Variants in YY1AP1 observed in about 807,000 individuals in gnomAD.
YY1AP1 encodes YY1 associated protein 1.
In YY1AP1, 43 loss-of-function variants were observed where a neutral mutation model predicts 39.9. That is an observed-to-expected ratio of 1.08 (90% CI 0.84 to 1.39). The LOEUF is 1.39. YY1AP1 is among the 40% of genes most tolerant of loss of function. The pLI is 0.00. For synonymous variants in YY1AP1, 292 were observed against 331.3 expected, an observed-to-expected ratio of 0.88 and a Z score of 1.29; for missense variants, 813 against 900.7, an observed-to-expected ratio of 0.90 and a Z score of 1.25.
At chr1:155,674,319 A>C (rs183749999) in intron 6 of YY1AP1, among the ~76,000 whole-genome samples, 6 of 151,950 alleles carry the variant, frequency 3.9e-5, no homozygotes, top group Admixed American at 2.0e-4. Context: ...AAACAAAACA[A>C]AACAAAAAAA....
intron 2 of YY1AP1, among the ~76,000 whole-genome samples, chr1:155,686,878 T>TA (rs1401621677): frequency 6.6e-6 from 1 of 151,930 alleles, no homozygotes; most frequent in Non-Finnish European, 1.5e-5. Flanking sequence ...TATGTGCTCC[T>TA]ATCTTTCCAG....
chr1:155,661,170 A>G, intron 10 of YY1AP1, 137 bp downstream of exon 10: 1 of 1,595,680 alleles, frequency 6.3e-7, no homozygotes, highest in East Asian at 2.2e-5. Flanking sequence ...AAGTAAGGGA[A>G]GAAAGGTGAA....
chr1:155,670,823 T>C lies in YY1AP1; in HGVS notation c.584-359A>G, dbSNP rs563547993. ...CTGAGTAGCTGGGACTACAGGCGCC[T>C]GCCACCACGCCTGGCTGATTTTTTG... is the stretch of plus-strand genomic sequence containing the variant. On this transcript the variant is annotated intron_variant, in intron 7 of 10. Coordinates refer to ENST00000355499, the MANE Select transcript of YY1AP1 (RefSeq NM_139119.3). 2.6e-3 allele frequency: 608 copies of C among 237,018 alleles called. 5 individuals are homozygous for C. Among genetic ancestry groups the C allele is most frequent in the Non-Finnish European group, 3.7e-3 (439 of 119,754 alleles). 14.7% of individuals were successfully genotyped at this position (237,018 alleles called of 1,614,324 possible).
chr1:155,674,156 G>A (rs1207132823), intron 6 of YY1AP1, among the ~76,000 whole-genome samples: 5 of 93,778 alleles, frequency 5.3e-5, no homozygotes, highest in Non-Finnish European at 7.5e-5. Context: ...GCGAGACTCC[G>A]TCTCAAAAAA....
intron 1 of YY1AP1, 36 bp from the exon 2 acceptor site, chr1:155,688,237 G>T (rs371208669): frequency 1.2e-4 from 196 of 1,611,834 alleles, no homozygotes; most frequent in Non-Finnish European, 1.6e-4. Context: ...GGGAAAGGTG[G>T]AGGGCTAAAG....
In YY1AP1 at chr1:155,660,680, T is replaced by C. The variant is rs769058238; in HGVS notation, c.1230A>G (p.Ser410=). 1.9e-6 allele frequency: 3 copies of C among 1,614,090 alleles called. No individual in the cohort carries two copies. The highest frequency in any genetic ancestry group is 2.2e-5 in the South Asian group (2 of 91,094). The change falls in exon 11 of 11, where the codon TCA becomes TCG. Residue 410 remains serine (S), a synonymous_variant. Coordinates refer to ENST00000355499, the MANE Select transcript of YY1AP1 (RefSeq NM_139119.3). The part of the protein sequence containing the change: ...PKKAWRQKRS[S]VLKPLLIQPS... ...GTTGGATAAGGAGGGGTTTCAGGAC[T>C]GATGAACGCTTCTGTCTCCAAGCCT... is the stretch of plus-strand genomic sequence containing the variant.
At chr1:155,688,429 T>TC (rs1239871124) in intron 1 of YY1AP1, 3 of 1,546,574 alleles carry the variant, frequency 1.9e-6, no homozygotes, top group Non-Finnish European at 2.6e-6. Flanking sequence ...CTCGCGTTCT[T>TC]CCCCACGGTC....
chr1:155,688,810 C>A (rs184902288), upstream of YY1AP1: 721 of 1,559,748 alleles, frequency 4.6e-4, 4 homozygotes, highest in Middle Eastern at 2.4e-3. Context: ...GTCCCCACCG[C>A]GGGACTGTTC....
intron 6 of YY1AP1, 109 bp downstream of exon 6, chr1:155,674,901 A>G: frequency 1.1e-6 from 1 of 934,412 alleles, no homozygotes; most frequent in Non-Finnish European, 1.7e-6. Flanking sequence ...CTCAGCAAAC[A>G]TAGGAAGCCA....
intron 7 of YY1AP1, 123 bp downstream of exon 7, chr1:155,672,437 A>G: frequency 6.7e-6 from 7 of 1,043,850 alleles, no homozygotes; most frequent in Non-Finnish European, 1.0e-5. Context: ...GAGAAGGAAG[A>G]AATTACAAAT....
chr1:155,672,832 T>A, intron 6 of YY1AP1, 101 bp from the exon 7 acceptor site: 1 of 1,483,100 alleles, frequency 6.7e-7, no homozygotes, highest in Non-Finnish European at 9.3e-7. Context: ...TACTACAGGA[T>A]AAAAACAGGT....
chr1:155,685,726 A>C (rs1334740733), intron 2 of YY1AP1, among the ~76,000 whole-genome samples: 1 of 152,196 alleles, frequency 6.6e-6, no homozygotes, highest in Non-Finnish European at 1.5e-5. Context: ...TGAAAATGAA[A>C]GGTTTTCAAA....
Position 155,672,552 on chromosome 1 carries a change from T to A in YY1AP1, c.583+8A>T. On this transcript the variant is annotated splice_region_variant and intron_variant, in intron 7 of 10. Coordinates refer to ENST00000355499, the MANE Select transcript of YY1AP1 (RefSeq NM_139119.3). ...TAAAAACTTAAAGCTGACACATCTG[T>A]CTCCTACCAGTCTTCTTGACAGTTT... is the stretch of plus-strand genomic sequence containing the variant. 6.2e-7 allele frequency: 1 copy of A among 1,607,084 alleles called. No individual in the cohort carries two copies. The highest frequency in any genetic ancestry group is 8.5e-7 in the Non-Finnish European group (1 of 1,174,694).
chr1:155,673,544 A>G (rs1336692013), intron 6 of YY1AP1, among the ~76,000 whole-genome samples: 1 of 152,050 alleles, frequency 6.6e-6, no homozygotes, highest in African/African-American at 2.4e-5. Flanking sequence ...TTTATGAGGT[A>G]AAGTATGGTT....
At chr1:155,679,867 C>T (rs748186074) in intron 3 of YY1AP1, 7 of 996,334 alleles carry the variant, frequency 7.0e-6, no homozygotes, top group Non-Finnish European at 8.9e-6. Flanking sequence ...TAAGGACACA[C>T]CAAATGACAG....
chr1:155,663,214 T>C (rs1648433386), intron 9 of YY1AP1, among the ~76,000 whole-genome samples: 1 of 150,454 alleles, frequency 6.6e-6, no homozygotes, highest in African/African-American at 2.4e-5. Flanking sequence ...CTACTAAAAA[T>C]ACAAAAATTA....
intron 7 of YY1AP1, chr1:155,672,188 A>G: frequency 3.1e-6 from 1 of 321,464 alleles, no homozygotes; most frequent in Middle Eastern, 1.1e-3. Context: ...AAGAGAATAA[A>G]AAGCTAAACA....
intron 4 of YY1AP1, among the ~76,000 whole-genome samples, chr1:155,678,314 G>T (rs1199834022): frequency 6.6e-6 from 1 of 152,182 alleles, no homozygotes; most frequent in Non-Finnish European, 1.5e-5. Flanking sequence ...TTCACAGAGG[G>T]TATGACCATG....
rs916700912 is a variant in YY1AP1, at chr1:155,660,174, G to A, written c.1736C>T (p.Ala579Val). ...AGTCTGGGGACTCTGGGCCACAGCCGCATTGACAGGCTGGATCATGTTACA... is the reference window on the plus strand; with the variant it reads ...AGTCTGGGGACTCTGGGCCACAGCCACATTGACAGGCTGGATCATGTTACA... ...GGCNMIQPVN[A>V]AVAQSPQTIP... The change falls in exon 11 of 11, where the codon GCG becomes GTG. Residue 579 changes from alanine (A) to valine (V), a missense_variant. Ala to Val is a moderately conservative substitution (Grantham distance 64). Transcript: ENST00000355499. 5 of 1,614,184 alleles carry A rather than the reference G, an allele frequency of 3.1e-6. No individual in the cohort carries two copies. Among genetic ancestry groups the A allele is most frequent in the Non-Finnish European group, 4.2e-6 (5 of 1,180,034 alleles).
Sources: allele counts gnomAD v4.1 joint callset (sites outside exome capture counted in the v4.1 genomes callset), GRCh38; gene constraint gnomAD v4.1.1; transcripts MANE v1.5; gene names NCBI Gene and HGNC (gene_info 2026-07-23, HGNC 2026-07-21).